The following SDK1 variants were observed in gnomAD, a reference collection of about 807,000 sequenced individuals.
The protein encoded by SDK1 is sidekick cell adhesion molecule 1.
Under a neutral mutation model 245.5 loss-of-function variants are expected in SDK1, and 157 were observed. The ratio of observed to expected loss-of-function variants is 0.64; its 90% CI spans 0.56 to 0.73. The LOEUF (loss-of-function observed/expected upper bound fraction) is 0.73. Ranked by LOEUF, SDK1 falls within the 30% of genes least tolerant of loss-of-function variation. The pLI is 0.00. For missense variants in SDK1, 3,583 were observed against 3,002.3 expected, an observed-to-expected ratio of 1.19 and a Z score of -4.52; for synonymous variants, 1,647 against 1,278.5, an observed-to-expected ratio of 1.29 and a Z score of -6.15.
chr7:4,106,225 C>T (rs766642111), intron 22 of SDK1, among the ~76,000 whole-genome samples: 1 of 152,198 alleles, frequency 6.6e-6, no homozygotes, highest in Non-Finnish European at 1.5e-5. Flanking sequence ...CAATGGCTCC[C>T]TCCTCAGGCT....
At chr7:3,488,972 T>C (rs182102246) in intron 1 of SDK1, among the ~76,000 whole-genome samples, 6 of 152,050 alleles carry the variant, frequency 3.9e-5, no homozygotes. Context: ...CACAGCTCTT[T>C]CAATGAGTGG....
intron 4 of SDK1, among the ~76,000 whole-genome samples, chr7:3,819,322 T>C (rs1562466943): frequency 1.3e-5 from 2 of 151,942 alleles, no homozygotes; most frequent in Non-Finnish European, 1.5e-5. Context: ...TTATAATAGA[T>C]GGAAACTTTA....
At chr7:3,790,522 C>T (rs1223079336) in intron 4 of SDK1, among the ~76,000 whole-genome samples, 1 of 152,128 alleles carries the variant, frequency 6.6e-6, no homozygotes, top group African/African-American at 2.4e-5. Context: ...AAAAGTCTAA[C>T]AGTCGGCCAG....
At chr7:3,936,713 C>T in intron 5 of SDK1, among the ~76,000 whole-genome samples, 1 of 152,134 alleles carries the variant, frequency 6.6e-6, no homozygotes, top group East Asian at 1.9e-4. Context: ...GTATTTAACC[C>T]CAATGGGGGG....
At chr7:3,539,589 C>G (rs1778995573) in intron 1 of SDK1, among the ~76,000 whole-genome samples, 1 of 152,138 alleles carries the variant, frequency 6.6e-6, no homozygotes. Flanking sequence ...TCATTAAGAG[C>G]AGGGCCGTAT....
intron 8 of SDK1, among the ~76,000 whole-genome samples, chr7:3,960,295 A>G (rs879836365): frequency 6.6e-6 from 1 of 152,142 alleles, no homozygotes; most frequent in Non-Finnish European, 1.5e-5. Context: ...AATACTGGGT[A>G]CCTAACTTAC....
intron 4 of SDK1, among the ~76,000 whole-genome samples, chr7:3,672,762 T>TATATACATAC (rs1397567672): frequency 3.5e-5 from 2 of 57,644 alleles, no homozygotes; most frequent in African/African-American, 1.4e-4. Context: ...TATAATTTTA[T>TATATACATAC]ATATATATAT....
chr7:4,125,489 T>TGATGGATGGATG (rs138042822), intron 25 of SDK1, among the ~76,000 whole-genome samples: 5 of 146,416 alleles, frequency 3.4e-5, no homozygotes, highest in Non-Finnish European at 6.0e-5. Context: ...ATGGATTGAT[T>TGATGGATGGATG]GATGGATGGA....
chr7:3,311,025 A>G (rs907740131), intron 1 of SDK1, among the ~76,000 whole-genome samples: 1 of 152,142 alleles, frequency 6.6e-6, no homozygotes, highest in Non-Finnish European at 1.5e-5. Context: ...TTTTGTGTAG[A>G]GGAATCCTGC....
intron 35 of SDK1, among the ~76,000 whole-genome samples, chr7:4,203,782 T>C (rs1784032428): frequency 6.6e-6 from 1 of 152,228 alleles, no homozygotes; most frequent in Admixed American, 6.5e-5. Flanking sequence ...CACGCTTTGC[T>C]CAGCGTTGAC....
intron 1 of SDK1, among the ~76,000 whole-genome samples, chr7:3,349,735 G>T (rs1249164173): frequency 6.6e-6 from 1 of 151,900 alleles, no homozygotes; most frequent in African/African-American, 2.4e-5. Flanking sequence ...GAGTGGCTGG[G>T]CCTACAGGCA....
At chr7:3,429,601 A>AT (rs111619702) in intron 1 of SDK1, among the ~76,000 whole-genome samples, 25,949 of 140,450 alleles carry the variant, frequency 0.18, 2,402 homozygotes, top group African/African-American at 0.24. Context: ...GCAAAAGCCT[A>AT]TTTTTTTTTT....
chr7:4,031,483 G>A (rs1787813947), intron 17 of SDK1, among the ~76,000 whole-genome samples: 1 of 152,114 alleles, frequency 6.6e-6, no homozygotes, highest in African/African-American at 2.4e-5. Context: ...TCTGAATTAT[G>A]TGTGTATAAA....
intron 1 of SDK1, among the ~76,000 whole-genome samples, chr7:3,474,547 C>T (rs959593594): frequency 2.0e-5 from 3 of 152,042 alleles, no homozygotes; most frequent in East Asian, 1.9e-4. Flanking sequence ...TCACATTGGA[C>T]GTTTACCTCT....
At chr7:4,178,372 G>T (rs758644087) in intron 34 of SDK1, 113 bp from the exon 35 acceptor site, 1 of 773,626 alleles carries the variant, frequency 1.3e-6, no homozygotes. Context: ...TAACAATCCC[G>T]CCTCCTCTCC....
intron 43 of SDK1, among the ~76,000 whole-genome samples, chr7:4,243,498 C>T (rs1786654756): frequency 6.6e-6 from 1 of 152,208 alleles, no homozygotes; most frequent in Admixed American, 6.5e-5. Context: ...ACTCACAGTT[C>T]CACATGGCTG....
Position 3,647,946 on chromosome 7 carries a change from C to T in SDK1, c.713+5841C>T, listed in dbSNP as rs115558126. On this transcript the variant is annotated intron_variant, in intron 4 of 44. Transcript: ENST00000404826. ...AGGCAGAAAAAATATCTTGGAAAGA[C>T]GAACAGTATATTGAGAGAATTGAAA... 2.9e-3 allele frequency among the ~76,000 whole-genome samples: 434 copies of T among 152,166 alleles called. 2 individuals are homozygous for T. Among genetic ancestry groups the T allele is most frequent in the African/African-American group, 9.5e-3 (393 of 41,502 alleles).
At chr7:3,980,594 G>A (rs370349751) in intron 13 of SDK1, among the ~76,000 whole-genome samples, 4 of 152,208 alleles carry the variant, frequency 2.6e-5, no homozygotes, top group African/African-American at 9.7e-5. Flanking sequence ...TGTTATTGAT[G>A]GGTTAGTCAA....
chr7:3,685,279 G>A (rs10272219), intron 4 of SDK1, among the ~76,000 whole-genome samples: 3 of 150,892 alleles, frequency 2.0e-5, no homozygotes, highest in East Asian at 1.9e-4. Context: ...GCAGTCATTC[G>A]AAACTATGGA....
Sources: allele counts gnomAD v4.1 joint callset (sites outside exome capture counted in the v4.1 genomes callset), GRCh38; gene constraint gnomAD v4.1.1; transcripts MANE v1.5; gene names NCBI Gene and HGNC (gene_info 2026-07-23, HGNC 2026-07-21).